AKAP6: variants seen among roughly 807,000 people sequenced by gnomAD.
AKAP6 encodes the protein A-kinase anchor protein 6.
Under a neutral mutation model 188.5 loss-of-function variants are expected in AKAP6, and 58 were observed. The observed-to-expected ratio is 0.31, with a 90% confidence interval of 0.25 to 0.38. AKAP6 has a LOEUF of 0.38. AKAP6 is among the 10% of genes least tolerant of loss of function. The pLI is 1.00. For missense variants in AKAP6, 2,710 were observed against 2,740.0 expected, an observed-to-expected ratio of 0.99 and a Z score of 0.24; for synonymous variants, 989 against 998.6, an observed-to-expected ratio of 0.99 and a Z score of 0.18.
chr14:32,338,519 A>C (rs1346602016), intron 1 of AKAP6, among the ~76,000 whole-genome samples: 1 of 152,158 alleles, frequency 6.6e-6, no homozygotes, highest in Non-Finnish European at 1.5e-5. Context: ...TTCTCTGAGC[A>C]AGAGATTAGT....
intron 4 of AKAP6, among the ~76,000 whole-genome samples, chr14:32,572,635 T>C (rs1210239512): frequency 1.3e-5 from 2 of 152,238 alleles, no homozygotes; most frequent in Non-Finnish European, 2.9e-5. Context: ...TGTAGCACTT[T>C]GCAAGATTTG....
At chr14:32,748,881 C>G (rs967556348) in intron 11 of AKAP6, among the ~76,000 whole-genome samples, 20 of 152,142 alleles carry the variant, frequency 1.3e-4, no homozygotes, top group Admixed American at 7.2e-4. Context: ...CCATGACCTT[C>G]TTTTGTAAAC....
At chr14:32,538,894 ATATT>A in intron 3 of AKAP6, among the ~76,000 whole-genome samples, 1 of 152,314 alleles carries the variant, frequency 6.6e-6, no homozygotes, top group Middle Eastern at 3.4e-3. Context: ...ATTTAAGTGA[ATATT>A]TAAGGATATA....
intron 4 of AKAP6, among the ~76,000 whole-genome samples, chr14:32,547,692 A>G (rs1883261860): frequency 6.6e-6 from 1 of 152,060 alleles, no homozygotes. Context: ...CCCCATCTCT[A>G]TATTAGCCAG....
At chr14:32,417,506 A>T (rs770758148) in intron 1 of AKAP6, among the ~76,000 whole-genome samples, 3 of 152,110 alleles carry the variant, frequency 2.0e-5, no homozygotes, top group Non-Finnish European at 4.4e-5. Flanking sequence ...GGAAGCTGCC[A>T]GTTCTTTCTT....
intron 9 of AKAP6, among the ~76,000 whole-genome samples, chr14:32,720,885 G>T (rs2030496919): frequency 6.6e-6 from 1 of 152,132 alleles, no homozygotes; most frequent in Non-Finnish European, 1.5e-5. Flanking sequence ...TTATGTAGTA[G>T]TGCCAAATTC....
At chr14:32,649,219 G>A (rs1019381370) in intron 7 of AKAP6, among the ~76,000 whole-genome samples, 3 of 152,008 alleles carry the variant, frequency 2.0e-5, no homozygotes, top group African/African-American at 4.8e-5. Context: ...AATTAAAACC[G>A]TTAGTGGAAT....
intron 11 of AKAP6, among the ~76,000 whole-genome samples, chr14:32,750,056 C>G (rs1448108965): frequency 6.6e-6 from 1 of 152,164 alleles, no homozygotes; most frequent in Non-Finnish European, 1.5e-5. Flanking sequence ...GATTACTGAT[C>G]TTTTTTCATC....
At chr14:32,469,499 T>G (rs540975292) in intron 2 of AKAP6, among the ~76,000 whole-genome samples, 2 of 152,288 alleles carry the variant, frequency 1.3e-5, no homozygotes, top group African/African-American at 4.8e-5. Flanking sequence ...AAGACAGTTT[T>G]GATCTTGATC....
intron 3 of AKAP6, 146 bp from the exon 4 acceptor site, chr14:32,545,084 T>C (rs978372865): frequency 4.3e-6 from 3 of 702,126 alleles, no homozygotes; most frequent in East Asian, 2.7e-5. Context: ...AATTGATTAA[T>C]ATCCCTTTGT....
chr14:32,692,041 T>C (rs1231301941), intron 8 of AKAP6, among the ~76,000 whole-genome samples: 1 of 152,240 alleles, frequency 6.6e-6, no homozygotes, highest in Non-Finnish European at 1.5e-5. Flanking sequence ...TTGGTGCTCA[T>C]TGGGTACCAA....
chr14:32,758,327 C>T (rs771927853), intron 11 of AKAP6, among the ~76,000 whole-genome samples: 3 of 152,208 alleles, frequency 2.0e-5, no homozygotes, highest in East Asian at 1.9e-4. Context: ...AGTCCAGTAA[C>T]GTTGAACCAT....
At chr14:32,790,528 C>T (rs1202790303) in intron 12 of AKAP6, among the ~76,000 whole-genome samples, 1 of 152,144 alleles carries the variant, frequency 6.6e-6, no homozygotes, top group Non-Finnish European at 1.5e-5. Flanking sequence ...GACCTCTCAA[C>T]AGAAACCCTA....
intron 2 of AKAP6, among the ~76,000 whole-genome samples, chr14:32,499,820 G>A (rs1956993): frequency 0.93 from 140,665 of 151,948 alleles, 65,205 homozygotes; most frequent in African/African-American, 0.98. Flanking sequence ...CACAGTATTA[G>A]TTTGTTACAT....
In AKAP6 at chr14:32,535,566, G is replaced by T; in HGVS notation, c.337G>T (p.Asp113Tyr). The T allele has an allele frequency of 6.2e-7, 1 of 1,613,390 alleles. No individual in the cohort carries two copies. Among genetic ancestry groups the T allele is most frequent in the Non-Finnish European group, 8.5e-7 (1 of 1,179,398 alleles). The change falls in exon 3 of 14, where the codon GAT (aspartate) becomes TAT (tyrosine). Residue 113 changes from aspartate (D) to tyrosine (Y), a missense_variant. Around this residue, in one of 2 missense-constraint regions of AKAP6, gnomAD observed 237 missense variants for 313.9 expected, o/e 0.76. Coordinates refer to ENST00000280979, the MANE Select transcript of AKAP6 (RefSeq NM_004274.5). ...HLVQLKDICE[D>Y]ISDHVEQIHA... Reference sequence around the variant, plus strand: ...TTCTTTACTGCAGGACATTTGTGAAGATATTTCTGATCATGTTGAGCAAAT... The same window carrying T: ...TTCTTTACTGCAGGACATTTGTGAATATATTTCTGATCATGTTGAGCAAAT...
intron 7 of AKAP6, among the ~76,000 whole-genome samples, chr14:32,662,108 C>T (rs1888728035): frequency 6.6e-6 from 1 of 151,872 alleles, no homozygotes; most frequent in African/African-American, 2.4e-5. Flanking sequence ...AATAAAAGGA[C>T]AAAATCAATA....
chr14:32,417,671 C>T (rs1889704357), intron 1 of AKAP6: 1 of 152,178 alleles, frequency 6.6e-6, no homozygotes, highest in Non-Finnish European at 1.5e-5. Flanking sequence ...GGCCGATATA[C>T]TCCTCTGCCT....
At chr14:32,437,833 C>T (rs1890438152) in intron 2 of AKAP6, among the ~76,000 whole-genome samples, 2 of 152,266 alleles carry the variant, frequency 1.3e-5, no homozygotes, top group Middle Eastern at 3.4e-3. Flanking sequence ...CTCTTGGGCT[C>T]AAGCGATCTT....
At chr14:32,529,330 G>A (rs544173606) in intron 2 of AKAP6, among the ~76,000 whole-genome samples, 6 of 152,102 alleles carry the variant, frequency 3.9e-5, no homozygotes, top group Non-Finnish European at 5.9e-5. Flanking sequence ...ATTCTGCAAC[G>A]TTGCTATGAT....
Sources: gnomAD v4.1 joint callset for allele counts (sites outside exome capture counted in the v4.1 genomes callset) on GRCh38, gnomAD v4.1.1 for gene constraint, gnomAD v4.1.1 regional missense constraint, MANE v1.5 for transcripts, NCBI Gene and HGNC (gene_info 2026-07-23, HGNC 2026-07-21) for gene names.